The following PCDHGB1 variants were observed in gnomAD, a reference collection of about 807,000 sequenced individuals.
PCDHGB1 encodes the protein protocadherin gamma subfamily B, 1.
In PCDHGB1, 34 loss-of-function variants were observed where a neutral mutation model predicts 56.6. That is an observed-to-expected ratio of 0.60 (90% CI 0.46 to 0.80). The LOEUF (loss-of-function observed/expected upper bound fraction) is 0.80, where lower values mean the gene tolerates loss of function less well. Among genes scored for constraint, PCDHGB1 ranks in the 30% least tolerant of loss-of-function variants. PCDHGB1 has a pLI of 0.00. For synonymous variants in PCDHGB1, 561 were observed against 505.9 expected, an observed-to-expected ratio of 1.11 and a Z score of -1.46; for missense variants, 1,278 against 1,204.6, an observed-to-expected ratio of 1.06 and a Z score of -0.90.
At chr5:141,446,922 T>G (rs939249512) in intron 1 of PCDHGB1, among the ~76,000 whole-genome samples, 1 of 152,220 alleles carries the variant, frequency 6.6e-6, no homozygotes, top group Non-Finnish European at 1.5e-5. Context: ...TTTATCTTCC[T>G]GATCTCTTTT....
At chr5:141,497,212 G>T (rs968445663) in intron 2 of PCDHGB1, among the ~76,000 whole-genome samples, 3 of 150,900 alleles carry the variant, frequency 2.0e-5, no homozygotes, top group Non-Finnish European at 3.0e-5. Context: ...AGTGTAATGG[G>T]GGGGGGAAGA....
chr5:141,362,405 C>T (rs1487845960), intron 1 of PCDHGB1: 14 of 1,614,052 alleles, frequency 8.7e-6, no homozygotes, highest in Non-Finnish European at 1.1e-5. Context: ...CTGTGTGTTG[C>T]CTCACAATCA....
At chr5:141,371,101 A>T (rs766194298) in intron 1 of PCDHGB1, 2 of 1,613,794 alleles carry the variant, frequency 1.2e-6, no homozygotes, top group South Asian at 1.1e-5. Context: ...GCAGATGCAA[A>T]TGATAACCCC....
intron 1 of PCDHGB1, chr5:141,427,703 C>T (rs529490424): frequency 1.0e-6 from 1 of 957,508 alleles, no homozygotes. Flanking sequence ...CACAAGTCAG[C>T]GCCTCTGACC....
Position 141,491,029 on chromosome 5 carries a change from G to T in PCDHGB1, c.2410-3778G>T. 1 of 1,614,172 alleles carries T rather than the reference G, an allele frequency of 6.2e-7. No homozygotes were observed. The highest frequency in any genetic ancestry group is 1.1e-5 in the South Asian group (1 of 91,088). On this transcript the variant is annotated intron_variant, in intron 1 of 3. Coordinates refer to ENST00000523390, the MANE Select transcript of PCDHGB1 (RefSeq NM_018922.3). The surrounding 1 kb of genome is among the most constrained non-coding windows in gnomAD (Gnocchi z 6.9). ...GGTCACCAAGGTGACAGCCGTGGAT[G>T]CTGATGCAGGCCACAATGCGTGGCT...
rs545232987 is a variant in PCDHGB1 at position 141,484,750 on chromosome 5, G to GTA, written c.2410-10043_2410-10042dup. 2.3e-3 allele frequency among the ~76,000 whole-genome samples: 340 copies of GTA among 149,860 alleles called. 1 individual carries two copies. Among genetic ancestry groups the GTA allele is most frequent in the South Asian group, 1.0e-2 (47 of 4,704 alleles). On this transcript the variant is annotated intron_variant, in intron 1 of 3. Coordinates refer to ENST00000523390, the MANE Select transcript of PCDHGB1 (RefSeq NM_018922.3). ...CAGTCGGTGTGTTAGGAAAAAAAAT[G>GTA]TATATATATATATATGTTGTCTGCC...
chr5:141,492,833 C>T (rs951935267), intron 1 of PCDHGB1, among the ~76,000 whole-genome samples: 2 of 152,222 alleles, frequency 1.3e-5, no homozygotes, highest in African/African-American at 4.8e-5. Flanking sequence ...CCCTTCCTCC[C>T]GCAGGAAGTG....
intron 1 of PCDHGB1, chr5:141,422,633 G>C: frequency 6.2e-7 from 1 of 1,613,120 alleles, no homozygotes; most frequent in Non-Finnish European, 8.5e-7. Context: ...AACCCCAGGG[G>C]TGCCTCCATC....
Position 141,476,292 on chromosome 5 carries a change from G to A in PCDHGB1, c.2410-18515G>A. The A allele has an allele frequency of 1.9e-6, 3 of 1,614,144 alleles. No homozygotes were observed. The highest frequency in any genetic ancestry group is 2.5e-6 in the Non-Finnish European group (3 of 1,180,016). On this transcript the variant is annotated intron_variant, in intron 1 of 3. Transcript: ENST00000523390. This position sits in a 1 kb window ranked among gnomAD's most constrained non-coding sequence, Gnocchi z 7.6. ...GTCGCGAACCTTGGTTTGGATCTCGGTAGCCTCTCAGCCCGCAGGTTCCGG... is the reference window on the plus strand; with the variant it reads ...GTCGCGAACCTTGGTTTGGATCTCGATAGCCTCTCAGCCCGCAGGTTCCGG...
intron 1 of PCDHGB1, chr5:141,411,661 C>T (rs2095505180): frequency 6.6e-6 from 1 of 150,762 alleles, no homozygotes; most frequent in African/African-American, 2.4e-5. Context: ...GGTGGAGAAT[C>T]TCTTGAGCGC....
intron 1 of PCDHGB1, among the ~76,000 whole-genome samples, chr5:141,443,656 A>G (rs139300845): frequency 1.3e-5 from 2 of 152,374 alleles, no homozygotes; most frequent in East Asian, 3.8e-4. Flanking sequence ...TTAGCATAGC[A>G]TTTTACTGAA....
At chr5:141,508,896 C>A (rs1171693212) in intron 3 of PCDHGB1, among the ~76,000 whole-genome samples, 1 of 151,862 alleles carries the variant, frequency 6.6e-6, no homozygotes, top group Non-Finnish European at 1.5e-5. Context: ...GGGGAGGGGG[C>A]GGGGCGGTGG....
intron 1 of PCDHGB1, chr5:141,397,991 C>T (rs960718940): frequency 1.5e-6 from 2 of 1,340,100 alleles, no homozygotes; most frequent in African/African-American, 3.0e-5. Context: ...TACACCGCTT[C>T]CTCCTCGGAA....
intron 1 of PCDHGB1, among the ~76,000 whole-genome samples, chr5:141,462,459 CTG>C (rs2099040203): frequency 6.6e-6 from 1 of 152,010 alleles, no homozygotes; most frequent in African/African-American, 2.4e-5. Flanking sequence ...TAACTGAAAA[CTG>C]TGTATTCTGC....
rs1210691847 is a variant in PCDHGB1, at chr5:141,432,985, C to T, written c.2410-61822C>T. The stretch of plus-strand genomic sequence containing the variant: ...GAGCGCCGGCGTCGCACTTTGTGGG[C>T]GTGGACGGGGTGCAGGCTTTCCTGC... On this transcript the variant is annotated intron_variant, in intron 1 of 3. Transcript: ENST00000523390. The surrounding 1 kb of genome is among the most constrained non-coding windows in gnomAD (Gnocchi z 6.0). The T allele has an allele frequency of 3.1e-6, 5 of 1,614,176 alleles. No individual in the cohort carries two copies. The highest frequency in any genetic ancestry group is 4.2e-6 in the Non-Finnish European group (5 of 1,180,034).
At chr5:141,375,357 C>T in intron 1 of PCDHGB1, 3 of 1,613,858 alleles carry the variant, frequency 1.9e-6, no homozygotes, top group African/African-American at 1.3e-5. Flanking sequence ...GTGACAGCCA[C>T]GGACAAAGGA....
At chr5:141,372,202 G>T (rs765463778) in intron 1 of PCDHGB1, 2 of 1,613,574 alleles carry the variant, frequency 1.2e-6, no homozygotes, top group South Asian at 2.2e-5. Flanking sequence ...TACAACGCCT[G>T]GCTGTCCTAC....
intron 1 of PCDHGB1, chr5:141,403,711 G>A: frequency 6.2e-7 from 1 of 1,613,930 alleles, no homozygotes; most frequent in South Asian, 1.1e-5. Context: ...AAGTCCTTGA[G>A]AACGTGCCCC....
chr5:141,372,325 T>A (rs1459758319), intron 1 of PCDHGB1: 1 of 1,613,556 alleles, frequency 6.2e-7, no homozygotes. Flanking sequence ...CGCCTGCTGG[T>A]CACTGTGCGT....
Sources: gnomAD v4.1 joint callset for allele counts (sites outside exome capture counted in the v4.1 genomes callset) on GRCh38, gnomAD v4.1.1 for gene constraint, Gnocchi (gnomAD v3.1) non-coding constraint, MANE v1.5 for transcripts, NCBI Gene and HGNC (gene_info 2026-07-23, HGNC 2026-07-21) for gene names.